ZC3H12B: variants seen among roughly 807,000 people sequenced by gnomAD.
ZC3H12B encodes the protein zinc finger CCCH-type containing 12B.
A neutral mutation model predicts 43.9 loss-of-function variants in ZC3H12B; 7 were observed. The observed-to-expected ratio is 0.16, with a 90% CI of 0.09 to 0.30. The LOEUF (loss-of-function observed/expected upper bound fraction) is 0.30, where lower values mean the gene tolerates loss of function less well. Among genes scored for constraint, ZC3H12B ranks in the 10% least tolerant of loss-of-function variants. The pLI, the probability that ZC3H12B is intolerant of heterozygous loss-of-function variation, is 1.00. For missense variants in ZC3H12B, 475 were observed against 670.2 expected (o/e 0.71, Z 3.22); for synonymous variants, 222 against 241.7 (o/e 0.92, Z 0.76).
At chrX:65,191,662 T>C in the ZC3H12B span, among the ~76,000 whole-genome samples, 2 of 107,670 alleles carry the variant, frequency 1.9e-5, no homozygotes, top group East Asian at 5.8e-4. Flanking sequence ...TTATAATTTT[T>C]TTTTTGTGTC....
exon 5 of ZC3H12B, chrX:65,506,646 G>T (rs1239730980): frequency 8.9e-6 from 1 of 111,984 alleles, no homozygotes; most frequent in Non-Finnish European, 1.9e-5. Flanking sequence ...TGACCTCATA[G>T]GAAGTCTGTG....
chrX:65,265,522 G>T, the ZC3H12B span, among the ~76,000 whole-genome samples: 1 of 111,714 alleles, frequency 9.0e-6, no homozygotes, highest in East Asian at 2.8e-4. Context: ...ACCATTAGAG[G>T]TCTCATCTCA....
At chrX:65,468,376 G>A (rs2067853295) in intron 3 of ZC3H12B, among the ~76,000 whole-genome samples, 1 of 111,454 alleles carries the variant, frequency 9.0e-6, no homozygotes. Flanking sequence ...GTAATTTGAA[G>A]TCAGATAATG....
At chrX:65,120,062 G>C in the ZC3H12B span, among the ~76,000 whole-genome samples, 1 of 112,009 alleles carries the variant, frequency 8.9e-6, no homozygotes, top group African/African-American at 3.2e-5. Context: ...TTGTAGTATA[G>C]TTTGAAGTCA....
the ZC3H12B span, among the ~76,000 whole-genome samples, chrX:65,058,559 G>C: frequency 8.9e-6 from 1 of 112,159 alleles, no homozygotes; most frequent in Non-Finnish European, 1.9e-5. Context: ...TCTGTTCTCA[G>C]ATCTGAAACT....
chrX:65,126,283 T>A, the ZC3H12B span, among the ~76,000 whole-genome samples: 1 of 111,130 alleles, frequency 9.0e-6, no homozygotes, highest in Non-Finnish European at 1.9e-5. Context: ...TGGCTGATAA[T>A]TGTTTTGTTC....
chrX:65,263,638 T>G, the ZC3H12B span, among the ~76,000 whole-genome samples: 1 of 111,321 alleles, frequency 9.0e-6, no homozygotes, highest in East Asian at 2.8e-4. Context: ...TCAAGATTTT[T>G]AATATGCAGG....
the ZC3H12B span, among the ~76,000 whole-genome samples, chrX:65,228,570 A>G: frequency 1.5e-4 from 17 of 111,176 alleles, no homozygotes; most frequent in South Asian, 2.7e-3. Flanking sequence ...AGGGTATTCA[A>G]TTAGGAAAAG....
the ZC3H12B span, among the ~76,000 whole-genome samples, chrX:65,255,414 G>T: frequency 1.8e-5 from 2 of 111,855 alleles, no homozygotes; most frequent in Admixed American, 9.5e-5. Flanking sequence ...TATTTGTAAA[G>T]AAAAGAATTC....
At chrX:65,151,630 T>C in the ZC3H12B span, among the ~76,000 whole-genome samples, 76 of 111,830 alleles carry the variant, frequency 6.8e-4, no homozygotes, top group African/African-American at 2.1e-3. Context: ...GTGGTTTTTT[T>C]CTTCAATTTT....
At chrX:65,287,810 C>T in the ZC3H12B span, among the ~76,000 whole-genome samples, 1 of 109,758 alleles carries the variant, frequency 9.1e-6, no homozygotes, top group East Asian at 2.9e-4. Context: ...AGTATCAGAG[C>T]AGAATTAATG....
At chrX:65,448,159 C>G (rs770879482) in intron 3 of ZC3H12B, among the ~76,000 whole-genome samples, 2 of 110,702 alleles carry the variant, frequency 1.8e-5, no homozygotes. Context: ...GGCGTGAACC[C>G]AGGAGGCAGA....
At chrX:65,431,604 T>C (rs2067162623) in intron 3 of ZC3H12B, among the ~76,000 whole-genome samples, 1 of 112,679 alleles carries the variant, frequency 8.9e-6, no homozygotes. Flanking sequence ...TACTTGATTA[T>C]TGAAATTATC....
the ZC3H12B span, among the ~76,000 whole-genome samples, chrX:65,335,129 T>C: frequency 1.8e-5 from 2 of 112,148 alleles, no homozygotes; most frequent in Non-Finnish European, 3.8e-5. Context: ...CAAAGTATTA[T>C]ACATCAGATA....
At chrX:65,163,396 G>T in the ZC3H12B span, among the ~76,000 whole-genome samples, 1 of 111,535 alleles carries the variant, frequency 9.0e-6, no homozygotes, top group Admixed American at 9.5e-5. Context: ...AAGCAGGCAG[G>T]CCTCCTTGAG....
chrX:65,253,808 A>T, the ZC3H12B span, among the ~76,000 whole-genome samples: 1 of 112,028 alleles, frequency 8.9e-6, no homozygotes, highest in Admixed American at 9.4e-5. Flanking sequence ...GCACCAGCAC[A>T]CTGGCATCTT....
At chrX:65,451,238 C>G (rs1233154624) in intron 3 of ZC3H12B, among the ~76,000 whole-genome samples, 1 of 110,918 alleles carries the variant, frequency 9.0e-6, no homozygotes, top group Non-Finnish European at 1.9e-5. Context: ...GTGTGAGCCA[C>G]CAAGCCCAGC....
rs768291216 is a variant in ZC3H12B at position 65,416,714 on chromosome X, G to T, written n.407+18010G>T. Among the ~76,000 whole-genome samples the T allele has an allele frequency of 1.8e-5, 2 of 108,539 alleles. 1 individual carries two copies. The highest frequency in any genetic ancestry group is 3.8e-5 in the Non-Finnish European group (2 of 52,238). The allele number at this position is 108,539 out of a possible 115,157, so 94.3% of individuals were successfully genotyped here. ...CTGAGGCAGGAGAATGGTGTGAACC[G>T]GAAGGCGGAGCTTGCAGTGAGCCGA... On this transcript the variant is annotated intron_variant and non_coding_transcript_variant, in intron 3 of 5. Coordinates refer to the ZC3H12B transcript ENST00000617377.
chrX:65,092,927 C>T, the ZC3H12B span, among the ~76,000 whole-genome samples: 1 of 111,757 alleles, frequency 8.9e-6, no homozygotes, highest in African/African-American at 3.3e-5. Flanking sequence ...TCCAAGGCTT[C>T]AGAGACCTTT....
Sources: gnomAD v4.1 joint callset for allele counts (sites outside exome capture counted in the v4.1 genomes callset) on GRCh38, gnomAD v4.1.1 for gene constraint, MANE v1.5 for transcripts, NCBI Gene and HGNC (gene_info 2026-07-23, HGNC 2026-07-21) for gene names.